CBLL1: variants seen among roughly 807,000 people sequenced by gnomAD.
CBLL1 encodes Cbl proto-oncogene like 1.
Under a neutral mutation model 44.9 loss-of-function variants are expected in CBLL1, and 4 were observed. The observed-to-expected ratio is 0.09, with a 90% CI of 0.04 to 0.20. The LOEUF (loss-of-function observed/expected upper bound fraction) is 0.20. Ranked by LOEUF, CBLL1 falls within the 10% of genes least tolerant of loss-of-function variation. The probability of loss-of-function intolerance (pLI) is 1.00; values close to 1 mark genes in which losing one functional copy is unlikely to be tolerated. For missense variants in CBLL1, 569 were observed against 636.7 expected (o/e 0.89, Z 1.14); for synonymous variants, 235 against 202.2 (o/e 1.16, Z -1.38).
chr7:107,753,271 T>C, intron 2 of CBLL1, 140 bp from the exon 3 acceptor site: 1 of 565,002 alleles, frequency 1.8e-6, no homozygotes, highest in Admixed American at 3.7e-5. Context: ...AAAGTAATCT[T>C]GATTGTCTTA....
chr7:107,755,160 T>G lies in CBLL1; in HGVS notation c.367-258T>G, dbSNP rs1021424042. On this transcript the variant is annotated intron_variant, in intron 4 of 5. Coordinates refer to ENST00000440859, the MANE Select transcript of CBLL1 (RefSeq NM_024814.4). ...AAACGTGTGGGGACCATGGGTGAAA[T>G]TTATAGGGTTTACACCTCCAGAAAG... Among the ~76,000 whole-genome samples, 4 of 152,112 alleles carry G rather than the reference T, an allele frequency of 2.6e-5. No individual in the cohort carries two copies. In the South Asian group the frequency reaches 6.2e-4, roughly 24 times the overall value.
At position 107,744,172 on chromosome 7, in the gene CBLL1, C is replaced by A. The variant is rs973599521; in HGVS notation, c.9C>A (p.His3Gln). The change falls in exon 1 of 6, where the codon CAC becomes CAA. Residue 3 changes from histidine to glutamine, a missense_variant. By Grantham distance (24) the His-to-Gln change is conservative (BLOSUM62 0). Transcript: ENST00000440859. MDHTDNELQGTNS... is the reference protein window; with the variant it reads MDQTDNELQGTNS... Reference sequence around the variant, plus strand: ...GCTCTGCGAGCCGAATCATGGATCACACTGGTAAGGAGGCGGAGGCAGTGG... The same window carrying A: ...GCTCTGCGAGCCGAATCATGGATCAAACTGGTAAGGAGGCGGAGGCAGTGG... 30 of 1,554,600 alleles carry A rather than the reference C, an allele frequency of 1.9e-5. No individual in the cohort carries two copies. The African/African-American group carries it at 4.0e-4, about 20-fold the overall frequency.
intron 1 of CBLL1, 39 bp downstream of exon 1, chr7:107,744,215 C>T (rs1291226517): frequency 3.5e-5 from 54 of 1,534,998 alleles, no homozygotes; most frequent in Non-Finnish European, 4.7e-5. Flanking sequence ...GGTTCCAAGC[C>T]CCCTTGGCCG....
intron 2 of CBLL1, 195 bp downstream of exon 2, chr7:107,749,242 G>A (rs964927941): frequency 2.4e-4 from 103 of 428,828 alleles, no homozygotes; most frequent in African/African-American, 1.9e-3. Flanking sequence ...GGTTCCTTTT[G>A]TTGTTGAAAG....
rs148649698 is a variant in CBLL1 at position 107,755,005 on chromosome 7, G to A, written c.367-413G>A. On this transcript the variant is annotated intron_variant, in intron 4 of 5. Transcript: ENST00000440859. The stretch of plus-strand genomic sequence containing the variant: ...GCCTGCTGTGGTGGCACACACCTGT[G>A]TTCCTCGCTATTCTGGAGGCTGAGG... 5.9e-4 allele frequency among the ~76,000 whole-genome samples: 90 copies of A among 152,130 alleles called. No homozygotes were observed. In the East Asian group the frequency reaches 0.01, roughly 17 times the overall value.
intron 5 of CBLL1, among the ~76,000 whole-genome samples, chr7:107,757,024 G>T (rs1793556113): frequency 6.6e-6 from 1 of 152,132 alleles, no homozygotes; most frequent in Non-Finnish European, 1.5e-5. Context: ...GTGCCAGATG[G>T]CCACTAAAGG....
chr7:107,744,873 G>A (rs1344197479), intron 1 of CBLL1: 1 of 152,130 alleles, frequency 6.6e-6, no homozygotes, highest in Non-Finnish European at 1.5e-5. Flanking sequence ...TGTATTTTCT[G>A]GCTTTTGCTT....
rs1474608839 is a variant in CBLL1, at chr7:107,760,079, A to T, written c.*901A>T. The stretch of plus-strand genomic sequence containing the variant: ...AATGGGTTTAAATGGTGTTCTTTAG[A>T]TGAAATGTGTTCTGTTTTGTTCATT... On this transcript the variant is annotated 3_prime_UTR_variant, in exon 6 of 6. Coordinates refer to ENST00000440859, the MANE Select transcript of CBLL1 (RefSeq NM_024814.4). The T allele has an allele frequency of 6.6e-6, 1 of 152,244 alleles. No homozygotes were observed. The highest frequency in any genetic ancestry group is 2.1e-4 in the South Asian group (1 of 4,832). The allele number at this position is 152,244 out of a possible 1,614,324, so 9.4% of individuals were successfully genotyped here. A position where few individuals can be genotyped will look rare whatever the true frequency, so the allele number is the denominator to read the frequency against.
chr7:107,746,084 C>G (rs968578489), intron 1 of CBLL1, among the ~76,000 whole-genome samples: 9 of 152,128 alleles, frequency 5.9e-5, no homozygotes, highest in African/African-American at 2.2e-4. Flanking sequence ...GTAAAGAATT[C>G]CAGTGTTTGG....
At chr7:107,744,411 T>C (rs1338347479) in intron 1 of CBLL1, 5 of 467,262 alleles carry the variant, frequency 1.1e-5, no homozygotes, top group Admixed American at 4.1e-5. Flanking sequence ...ACTCTGGTTC[T>C]GCTGAGCTCC....
chr7:107,755,387 A>C, intron 4 of CBLL1, 31 bp from the exon 5 acceptor site: 1 of 1,317,118 alleles, frequency 7.6e-7, no homozygotes, highest in South Asian at 1.6e-5. Context: ...AAGTTCTAAT[A>C]TGCTTAACTG....
At chr7:107,756,525 T>G (rs545293657) in intron 5 of CBLL1, among the ~76,000 whole-genome samples, 3 of 152,166 alleles carry the variant, frequency 2.0e-5, no homozygotes, top group Non-Finnish European at 4.4e-5. Context: ...TCACTTGTTT[T>G]TTGGGTGTTT....
chr7:107,751,161 G>A (rs1315586612), intron 2 of CBLL1, among the ~76,000 whole-genome samples: 1 of 152,150 alleles, frequency 6.6e-6, no homozygotes, highest in Non-Finnish European at 1.5e-5. Context: ...GTGGTTTCGG[G>A]ATGCAACTGT....
intron 1 of CBLL1, among the ~76,000 whole-genome samples, chr7:107,745,148 T>C (rs955225352): frequency 1.3e-5 from 2 of 152,236 alleles, no homozygotes; most frequent in Non-Finnish European, 2.9e-5. Flanking sequence ...AGGTCCGTGA[T>C]AGAACTTCTG....
At chr7:107,744,675 G>A (rs1792920405) in intron 1 of CBLL1, 1 of 158,962 alleles carries the variant, frequency 6.3e-6, no homozygotes, top group Non-Finnish European at 1.4e-5. Context: ...GACTAGAGGG[G>A]TGAAAGAAGG....
chr7:107,758,970 A>G lies in CBLL1; in HGVS notation c.1268A>G (p.His423Arg), dbSNP rs141234740. The change falls in exon 6 of 6, where the codon CAT becomes CGT. Residue 423 changes from histidine to arginine, a missense_variant. His to Arg is a conservative substitution (Grantham distance 29). Transcript: ENST00000440859. This position sits in a 1 kb window ranked among gnomAD's most constrained non-coding sequence, Gnocchi z 4.2. ...CCTGTAACTGCACCCCCTCCTCACC[A>G]TTATAATCCTAACTCATTACCCCAG... ...GPPVTAPPPH[H>R]YNPNSLPQFT... is the part of the protein sequence containing the mutation. The G allele has an allele frequency of 2.5e-6, 4 of 1,613,568 alleles. No individual in the cohort carries two copies. Among genetic ancestry groups the G allele is most frequent in the South Asian group, 1.1e-5 (1 of 91,066 alleles).
intron 5 of CBLL1, among the ~76,000 whole-genome samples, chr7:107,757,119 C>T (rs1464426966): frequency 6.6e-6 from 1 of 151,976 alleles, no homozygotes. Context: ...AGTATAGAGC[C>T]ATTTAGTATA....
At chr7:107,751,029 A>G (rs1173573080) in intron 2 of CBLL1, among the ~76,000 whole-genome samples, 3 of 151,734 alleles carry the variant, frequency 2.0e-5, no homozygotes, top group African/African-American at 7.3e-5. Flanking sequence ...TCCTTGCTGA[A>G]TAGGGATTTT....
At position 107,760,549 on chromosome 7, in the gene CBLL1, G is replaced by C. The variant is rs1440955537; in HGVS notation, c.*1371G>C. 3.3e-5 allele frequency: 5 copies of C among 152,192 alleles called. No homozygotes were observed. The highest frequency in any genetic ancestry group is 3.8e-4 in the East Asian group (2 of 5,328). The allele number at this position is 152,192 out of a possible 1,614,324, so 9.4% of individuals were successfully genotyped here. ...GTTTAGCTAAGATGACCACTTAACA[G>C]TTTATACAGAACTCATATGTATAAA... is the stretch of plus-strand genomic sequence containing the variant. On this transcript the variant is annotated 3_prime_UTR_variant, in exon 6 of 6. Transcript: ENST00000440859.
Sources: allele counts gnomAD v4.1 joint callset (sites outside exome capture counted in the v4.1 genomes callset), GRCh38; gene constraint gnomAD v4.1.1; non-coding constraint Gnocchi (gnomAD v3.1); transcripts MANE v1.5; gene names NCBI Gene and HGNC (gene_info 2026-07-23, HGNC 2026-07-21).